The following CHEK1 variants were observed in gnomAD, a reference collection of about 807,000 sequenced individuals.
CHEK1 encodes the protein serine/threonine-protein kinase Chk1.
A neutral mutation model predicts 60.2 loss-of-function variants in CHEK1; 32 were observed. The ratio of observed to expected loss-of-function variants is 0.53; its 90% CI spans 0.40 to 0.71. The LOEUF is 0.71. Among genes scored for constraint, CHEK1 ranks in the 30% least tolerant of loss-of-function variants. CHEK1 has a pLI of 0.00. For missense variants in CHEK1, 399 were observed against 564.6 expected (o/e 0.71, Z 2.97); for synonymous variants, 179 against 187.2 (o/e 0.96, Z 0.36).
intron 5 of CHEK1, 132 bp from the exon 6 acceptor site, chr11:125,633,031 G>T: frequency 1.5e-6 from 1 of 683,192 alleles, no homozygotes; most frequent in Non-Finnish European, 2.3e-6. Context: ...TGTCTATTTT[G>T]CTTATTTTAA....
Position 125,655,405 on chromosome 11 carries a change from G to C in CHEK1, c.*85G>C, listed in dbSNP as rs1383282654. 3.5e-6 allele frequency: 3 copies of C among 861,868 alleles called. No homozygotes were observed. Among genetic ancestry groups the C allele is most frequent in the Non-Finnish European group, 5.5e-6 (3 of 548,478 alleles). The allele number at this position is 861,868 out of a possible 1,614,324, so 53.4% of individuals were successfully genotyped here. On this transcript the variant is annotated 3_prime_UTR_variant, in exon 13 of 13. Transcript: ENST00000438015. ...TTCCTAGAGAAGATTATCCTGTCCT[G>C]CAAACTGCAAATAGTAGTTCCTGAA...
At position 125,644,254 on chromosome 11, in the gene CHEK1, C is replaced by A. The variant is rs764708405; in HGVS notation, c.1087C>A (p.Pro363Thr). The A allele has an allele frequency of 3.1e-6, 5 of 1,612,460 alleles. No homozygotes were observed. The South Asian group carries it at 5.5e-5, about 18-fold the overall frequency. Residue 363 changes from proline to threonine, a missense_variant, in exon 10 of 13, where the codon CCA (proline) becomes ACA (threonine). By Grantham distance (38) the Pro-to-Thr change is conservative. Coordinates refer to ENST00000438015, the MANE Select transcript of CHEK1 (RefSeq NM_001114122.3). ...TTTGAATAGTCAGTTACTTGGCACC[C>A]CAGGATCCTCACAGGTGAGGGAATT... ...MLLNSQLLGT[P>T]GSSQNPWQRL...
intron 1 of CHEK1, chr11:125,626,418 C>A (rs1307925450): frequency 9.1e-6 from 4 of 438,474 alleles, no homozygotes; most frequent in Non-Finnish European, 8.2e-6. Flanking sequence ...CTTCCCCAGA[C>A]CCCCACCTCT....
At chr11:125,644,473 C>G (rs371725895) in intron 10 of CHEK1, 39 bp from the exon 11 acceptor site, 8 of 1,603,808 alleles carry the variant, frequency 5.0e-6, no homozygotes, top group Non-Finnish European at 6.0e-6. Context: ...GTCTTTAGTC[C>G]TAATGGATTT....
At chr11:125,642,554 G>A (rs1055059571) in intron 8 of CHEK1, among the ~76,000 whole-genome samples, 1 of 152,110 alleles carries the variant, frequency 6.6e-6, no homozygotes, top group Non-Finnish European at 1.5e-5. Context: ...AAAAACTTGA[G>A]CATGTTTAAA....
chr11:125,677,338 G>C (rs1591438416), downstream of CHEK1, among the ~76,000 whole-genome samples: 1 of 152,164 alleles, frequency 6.6e-6, no homozygotes, highest in Non-Finnish European at 1.5e-5. Context: ...AAAGAAAATA[G>C]CTTTACATTC....
chr11:125,646,994 C>T (rs189054436), intron 11 of CHEK1, among the ~76,000 whole-genome samples: 1 of 152,040 alleles, frequency 6.6e-6, no homozygotes, highest in African/African-American at 2.4e-5. Context: ...TATAATTTCT[C>T]TTTTGTTGCC....
chr11:125,670,026 T>TTTTC (rs1281149526), intron 13 of CHEK1, among the ~76,000 whole-genome samples: 1 of 152,348 alleles, frequency 6.6e-6, no homozygotes, highest in African/African-American at 2.4e-5. Flanking sequence ...TGAAGCTTTA[T>TTTTC]TTTAATTCTT....
chr11:125,644,981 G>A (rs1051044969), intron 11 of CHEK1, among the ~76,000 whole-genome samples: 3 of 152,072 alleles, frequency 2.0e-5, no homozygotes, highest in Non-Finnish European at 2.9e-5. Context: ...GCACTCCTGC[G>A]TGGCCAACAG....
chr11:125,644,077 T>A lies in CHEK1; in HGVS notation c.924-14T>A. On this transcript the variant is annotated splice_polypyrimidine_tract_variant and intron_variant, in intron 9 of 12. Coordinates refer to ENST00000438015, the MANE Select transcript of CHEK1 (RefSeq NM_001114122.3). ...TTTATTAAATGTATGTTTCTTTCTGTCTTAATGCCTCAGTGAAGAAAATGT... is the reference window on the plus strand; with the variant it reads ...TTTATTAAATGTATGTTTCTTTCTGACTTAATGCCTCAGTGAAGAAAATGT... 1 of 1,605,918 alleles carries A rather than the reference T, an allele frequency of 6.2e-7. No individual in the cohort carries two copies. Among genetic ancestry groups the A allele is most frequent in the Non-Finnish European group, 8.5e-7 (1 of 1,177,726 alleles).
At chr11:125,626,721 A>T (rs772872053) in intron 1 of CHEK1, 28 bp from the exon 2 acceptor site, 13 of 1,608,972 alleles carry the variant, frequency 8.1e-6, no homozygotes, top group African/African-American at 2.7e-5. Context: ...TACACTCTAC[A>T]TCTTTTCTGG....
Position 125,637,562 on chromosome 11 carries a change from CA to C in CHEK1, c.814+20del. ...CAAGAAAGGTAATATCCTTAAACTA[CA>C]AGTTTGTTTGTTTTTCTGTGGAAGA... On this transcript the variant is annotated intron_variant, in intron 8 of 12. Transcript: ENST00000438015. The C allele has an allele frequency of 6.4e-7, 1 of 1,553,930 alleles. No individual in the cohort carries two copies. Among genetic ancestry groups the C allele is most frequent in the East Asian group, 2.3e-5 (1 of 43,566 alleles).
intron 13 of CHEK1, among the ~76,000 whole-genome samples, chr11:125,666,056 G>T (rs1483106861): frequency 6.7e-6 from 1 of 149,252 alleles, no homozygotes; most frequent in Non-Finnish European, 1.5e-5. Flanking sequence ...AAAAAAATTT[G>T]GTTCTTTGTT....
chr11:125,668,788 C>T (rs1162199638), intron 13 of CHEK1, among the ~76,000 whole-genome samples: 1 of 152,054 alleles, frequency 6.6e-6, no homozygotes, highest in Non-Finnish European at 1.5e-5. Context: ...AACTTCAGGG[C>T]TTAAGCAATC....
At chr11:125,659,088 A>G (rs768094794), downstream of CHEK1, among the ~76,000 whole-genome samples, 35 of 152,098 alleles carry the variant, frequency 2.3e-4, no homozygotes, top group Admixed American at 1.5e-3. Context: ...TCATATGGCT[A>G]TCCAGTTTAG....
downstream of CHEK1, chr11:125,678,282 G>C: frequency 6.2e-7 from 1 of 1,613,878 alleles, no homozygotes; most frequent in Middle Eastern, 1.6e-4. Context: ...AAGCTCATTA[G>C]GCTGACTTGA....
At position 125,653,999 on chromosome 11, in the gene CHEK1, T is replaced by C. The variant is rs1941820937; in HGVS notation, c.1335+152T>C. The C allele has an allele frequency of 5.8e-6, 3 of 520,692 alleles. No homozygotes were observed. The highest frequency in any genetic ancestry group is 4.2e-5 in the Admixed American group (1 of 23,934). 32.3% of individuals were successfully genotyped at this position (520,692 alleles called of 1,614,324 possible). A position where few individuals can be genotyped will look rare whatever the true frequency, so the allele number is the denominator to read the frequency against. ...AGCATGTGTTTTCGTTATCTATTTT[T>C]CCCGAACATTGTTTTTTTCAAATGA... On this transcript the variant is annotated intron_variant, in intron 12 of 12. Transcript: ENST00000438015. The surrounding 1 kb of genome is among the most constrained non-coding windows in gnomAD (Gnocchi z 4.3).
chr11:125,674,589 A>G (rs1053542472), intron 13 of CHEK1, among the ~76,000 whole-genome samples: 6 of 152,206 alleles, frequency 3.9e-5, no homozygotes, highest in African/African-American at 1.4e-4. Flanking sequence ...ATTACCTTTT[A>G]CTGAAATATT....
At chr11:125,678,960 A>T, downstream of CHEK1, among the ~76,000 whole-genome samples, 1 of 127,374 alleles carries the variant, frequency 7.9e-6, no homozygotes, top group Non-Finnish European at 1.7e-5. Context: ...AAGGTAAAAA[A>T]AAAAAAGTCT....
Sources: allele counts gnomAD v4.1 joint callset (sites outside exome capture counted in the v4.1 genomes callset), GRCh38; gene constraint gnomAD v4.1.1; non-coding constraint Gnocchi (gnomAD v3.1); transcripts MANE v1.5; gene names NCBI Gene and HGNC (gene_info 2026-07-23, HGNC 2026-07-21).